The following IMPDH1 variants were observed in gnomAD, a reference collection of about 807,000 sequenced individuals.
The protein encoded by IMPDH1 is inosine-5'-monophosphate dehydrogenase 1.
In IMPDH1, 41 loss-of-function variants were observed where a neutral mutation model predicts 73.5. The ratio of observed to expected loss-of-function variants is 0.56; its 90% CI spans 0.43 to 0.72. The LOEUF (loss-of-function observed/expected upper bound fraction) is 0.72, where lower values mean the gene tolerates loss of function less well. IMPDH1 is among the 30% of genes least tolerant of loss of function. The pLI is 0.00. For synonymous variants in IMPDH1, 318 were observed against 334.3 expected, an observed-to-expected ratio of 0.95 and a Z score of 0.53; for missense variants, 645 against 824.8, an observed-to-expected ratio of 0.78 and a Z score of 2.67.
rs894514264 is a variant in IMPDH1, at chr7:128,394,318, T to C, written c.1738A>G (p.Met580Val). The C allele has an allele frequency of 6.2e-7, 1 of 1,614,074 alleles. No individual in the cohort carries two copies. Among genetic ancestry groups the C allele is most frequent in the African/African-American group, 1.3e-5 (1 of 75,010 alleles). ...ACACCACCCTCAATCTGGGCCGACA[T>C]GGTCCGCTTCTCAAACTTGAGCTCT... ...SGELKFEKRT[M>V]SAQIEGGVHG... The change falls in exon 16 of 17, where the codon ATG (methionine) becomes GTG (valine). Residue 580 changes from methionine (M) to valine (V), a missense_variant. Coordinates refer to ENST00000338791, the MANE Select transcript of IMPDH1 (RefSeq NM_000883.4). The surrounding 1 kb of genome is among the most constrained non-coding windows in gnomAD (Gnocchi z 5.5).
chr7:128,395,929 C>A (rs577659461), intron 12 of IMPDH1, among the ~76,000 whole-genome samples: 1 of 152,350 alleles, frequency 6.6e-6, no homozygotes, highest in Admixed American at 6.5e-5. Flanking sequence ...ATAGCAGAGG[C>A]TCTGAGGACC....
rs1339012902 is a variant in IMPDH1, at chr7:128,392,379, G to C, written c.*628C>G. ...AAAGTTAAAGCCTTCGACTGCAGCT[G>C]AGGAGAAGGGAGGAATGGTTCACCT... On this transcript the variant is annotated 3_prime_UTR_variant, in exon 17 of 17. Transcript: ENST00000338791. 1 of 154,238 alleles carries C rather than the reference G, an allele frequency of 6.5e-6. No individual in the cohort carries two copies. The highest frequency in any genetic ancestry group is 1.4e-5 in the Non-Finnish European group (1 of 69,108). The allele number at this position is 154,238 out of a possible 1,614,324, so 9.6% of individuals were successfully genotyped here.
chr7:128,395,240 C>T lies in IMPDH1; in HGVS notation c.1296G>A (p.Val432=). The T allele has an allele frequency of 1.9e-6, 3 of 1,613,762 alleles. No individual in the cohort carries two copies. Among genetic ancestry groups the T allele is most frequent in the Non-Finnish European group, 2.5e-6 (3 of 1,180,036 alleles). ...MACGRPQGTA[V]YKVAEYARRF... is the part of the protein sequence containing the mutation. ...GCCGGGCATACTCAGCCACCTTGTA[C>T]ACAGCAGTGCCCTGGGGCCGACCAC... The change falls in exon 13 of 17, where the codon GTG becomes GTA. Residue 432 remains valine, a synonymous_variant. Transcript: ENST00000338791.
At chr7:128,405,985 G>T (rs951447660) in intron 3 of IMPDH1, 120 bp from the exon 4 acceptor site, 9 of 830,474 alleles carry the variant, frequency 1.1e-5, no homozygotes, top group African/African-American at 1.9e-5. Context: ...CGGGCCGGGC[G>T]GGCCGGGGGC....
At chr7:128,400,056 TCAGG>T in intron 9 of IMPDH1, 35 bp downstream of exon 9, 1 of 1,456,784 alleles carries the variant, frequency 6.9e-7, no homozygotes, top group Non-Finnish European at 9.6e-7. Flanking sequence ...GGACAGGGAG[TCAGG>T]CTGGGGGTTG....
chr7:128,398,406 G>A lies in IMPDH1; in HGVS notation c.1074+8C>T, dbSNP rs369992949. On this transcript the variant is annotated splice_region_variant and intron_variant, in intron 10 of 16. Transcript: ENST00000338791. This position sits in a 1 kb window ranked among gnomAD's most constrained non-coding sequence, Gnocchi z 4.3. Reference sequence around the variant, plus strand: ...CCATCTCCCCCACCACTCAGGCGGGGGCCTTACCAAGACTATGACGTCGAC... The same window carrying A: ...CCATCTCCCCCACCACTCAGGCGGGAGCCTTACCAAGACTATGACGTCGAC... 52 of 1,611,794 alleles carry A rather than the reference G, an allele frequency of 3.2e-5. No individual in the cohort carries two copies. The African/African-American group carries it at 6.3e-4, about 19-fold the overall frequency.
At position 128,401,216 on chromosome 7, in the gene IMPDH1, C is replaced by T. The variant is rs1045146750; in HGVS notation, c.403-100G>A. 6 of 829,978 alleles carry T rather than the reference C, an allele frequency of 7.2e-6. No homozygotes were observed. The African/African-American group carries it at 8.3e-5, about 12-fold the overall frequency. The allele number at this position is 829,978 out of a possible 1,614,324, so 51.4% of individuals were successfully genotyped here. Reference sequence around the variant, plus strand: ...CCGGCACCAGGACAGGCCCTGGGGACATGGCAGTGAACAAGGTGGATGAGT... The same window carrying T: ...CCGGCACCAGGACAGGCCCTGGGGATATGGCAGTGAACAAGGTGGATGAGT... On this transcript the variant is annotated intron_variant, in intron 5 of 16. Transcript: ENST00000338791.
Position 128,396,314 on chromosome 7 carries a change from C to T in IMPDH1, c.1261+286G>A, listed in dbSNP as rs987534612. Reference sequence around the variant, plus strand: ...CCTTGTCACAAATCAAATCCAAACCCTGAGGTTCCAACAAGCCCCATGGAC... The same window carrying T: ...CCTTGTCACAAATCAAATCCAAACCTTGAGGTTCCAACAAGCCCCATGGAC... On this transcript the variant is annotated intron_variant, in intron 12 of 16. Transcript: ENST00000338791. The surrounding 1 kb of genome is among the most constrained non-coding windows in gnomAD (Gnocchi z 4.0). 2.6e-5 allele frequency among the ~76,000 whole-genome samples: 4 copies of T among 152,218 alleles called. No homozygotes were observed. The highest frequency in any genetic ancestry group is 4.4e-5 in the Non-Finnish European group (3 of 68,034).
At position 128,400,827 on chromosome 7, in the gene IMPDH1, C is replaced by T. The variant is rs777909017; in HGVS notation, c.569G>A (p.Arg190Gln). 5 of 1,614,070 alleles carry T rather than the reference C, an allele frequency of 3.1e-6. No homozygotes were observed. The highest frequency in any genetic ancestry group is 1.3e-5 in the African/African-American group (1 of 75,046). The part of the protein sequence containing the change: ...CTPEFQANEV[R>Q]KVKKFEQGFI... ...AGGCCTGGTACTTGCCTTGACCTTC[C>T]GCACCTCGTTGGCCTGGAACTCTGG... Residue 190 changes from arginine (R) to glutamine (Q), a missense_variant, in exon 7 of 17, where the codon CGG (arginine) becomes CAG (glutamine). Transcript: ENST00000338791.
intron 7 of IMPDH1, 102 bp downstream of exon 7, chr7:128,400,715 C>G: frequency 8.3e-7 from 1 of 1,211,316 alleles, no homozygotes; most frequent in Non-Finnish European, 1.2e-6. Context: ...AGGAAGGACA[C>G]GCAGGGAGTG....
intron 5 of IMPDH1, among the ~76,000 whole-genome samples, chr7:128,401,825 A>C (rs989027491): frequency 6.6e-6 from 1 of 152,170 alleles, no homozygotes; most frequent in Non-Finnish European, 1.5e-5. Context: ...GCAAGTATCC[A>C]TTTAAAAGCC....
chr7:128,404,660 A>G (rs890406643), intron 4 of IMPDH1, among the ~76,000 whole-genome samples: 1 of 152,174 alleles, frequency 6.6e-6, no homozygotes, highest in Non-Finnish European at 1.5e-5. Context: ...CCTAAGGCCT[A>G]GAGAAACTCC....
chr7:128,396,657 C>T lies in IMPDH1; in HGVS notation c.1204G>A (p.Gly402Ser). Residue 402 changes from glycine to serine, a missense_variant, in exon 12 of 17, where the codon GGT (glycine) becomes AGT (serine). Gly to Ser is a moderately conservative substitution (Grantham distance 56). Around this residue, in one of 2 missense-constraint regions of IMPDH1, gnomAD observed 459 missense variants for 638.2 expected, o/e 0.72. Coordinates refer to ENST00000338791, the MANE Select transcript of IMPDH1 (RefSeq NM_000883.4). The surrounding 1 kb of genome is among the most constrained non-coding windows in gnomAD (Gnocchi z 4.0). ...ATGCCCACGCGCAGCCCGTCCACAC[C>T]AGCATCAATCAGGTTCTTGGCCTGG... ...AAQAKNLIDA[G>S]VDGLRVGMGC... is the part of the protein sequence containing the mutation. The T allele has an allele frequency of 1.3e-6, 2 of 1,555,424 alleles. No homozygotes were observed. Among genetic ancestry groups the T allele is most frequent in the Non-Finnish European group, 1.7e-6 (2 of 1,148,786 alleles).
Position 128,409,926 on chromosome 7 carries a change from C to G in IMPDH1, c.-25G>C. 1.5e-6 allele frequency: 2 copies of G among 1,349,670 alleles called. No individual in the cohort carries two copies. Among genetic ancestry groups the G allele is most frequent in the Non-Finnish European group, 1.9e-6 (2 of 1,056,016 alleles). 83.6% of individuals were successfully genotyped at this position (1,349,670 alleles called of 1,614,324 possible). Reference sequence around the variant, plus strand: ...TGCGGAGGCCGCAGCTCAGGGCGGGCGGGAGCCTGGAGGCTCCCGGGGCCC... The same window carrying G: ...TGCGGAGGCCGCAGCTCAGGGCGGGGGGGAGCCTGGAGGCTCCCGGGGCCC... On this transcript the variant is annotated 5_prime_UTR_variant, in exon 1 of 17. Transcript: ENST00000338791.
In IMPDH1 at chr7:128,394,515, G is replaced by A. The variant is rs1797769395; in HGVS notation, c.1635C>T (p.Leu545=). The change falls in exon 15 of 17, where the codon CTC becomes CTT. Residue 545 remains leucine (L), a synonymous_variant. Coordinates refer to ENST00000338791, the MANE Select transcript of IMPDH1 (RefSeq NM_000883.4). This position sits in a 1 kb window ranked among gnomAD's most constrained non-coding sequence, Gnocchi z 5.5. ...KGSIQKFVPY[L]IAGIQHGCQD... ...GGCAGCCGTGTTGGATGCCTGCTAT[G>A]AGGTAGGGCACGAACTTCTGAATGG... 1 of 1,614,028 alleles carries A rather than the reference G, an allele frequency of 6.2e-7. No homozygotes were observed. Among genetic ancestry groups the A allele is most frequent in the Non-Finnish European group, 8.5e-7 (1 of 1,179,988 alleles).
chr7:128,409,847 G>C lies in IMPDH1; in HGVS notation c.55C>G (p.Pro19Ala). 1.3e-6 allele frequency: 2 copies of C among 1,492,596 alleles called. No homozygotes were observed. The highest frequency in any genetic ancestry group is 8.9e-7 in the Non-Finnish European group (1 of 1,128,054). The allele number at this position is 1,492,596 out of a possible 1,614,324, so 92.5% of individuals were successfully genotyped here. A position where few individuals can be genotyped will look rare whatever the true frequency, so the allele number is the denominator to read the frequency against. Residue 19 changes from proline (P) to alanine (A), a missense_variant, in exon 1 of 17, where the codon CCG becomes GCG. Pro to Ala is a conservative substitution (Grantham distance 27, BLOSUM62 -1). Coordinates refer to ENST00000338791, the MANE Select transcript of IMPDH1 (RefSeq NM_000883.4). Reference protein sequence around the residue: ...PLQGGGAAAVPEPGARQHPGH... With the variant: ...PLQGGGAAAVAEPGARQHPGH... ...GGGTGTTGCCGGGCTCCGGGCTCCG[G>C]AACAGCGGCGGCTCCGCCTCCCTGC...
At chr7:128,400,702 G>T (rs545986760) in intron 7 of IMPDH1, 115 bp downstream of exon 7, 3 of 1,186,276 alleles carry the variant, frequency 2.5e-6, no homozygotes, top group Non-Finnish European at 3.8e-6. Context: ...AGGCTCCACT[G>T]AGAGGAAGGA....
At chr7:128,399,977 G>A (rs765064490) in intron 9 of IMPDH1, 118 bp downstream of exon 9, 114 of 860,732 alleles carry the variant, frequency 1.3e-4, no homozygotes, top group Middle Eastern at 6.5e-4. Flanking sequence ...GAGGTTATTC[G>A]AACCTTCCCC....
At chr7:128,407,520 G>A (rs1391292548) in intron 3 of IMPDH1, among the ~76,000 whole-genome samples, 1 of 152,192 alleles carries the variant, frequency 6.6e-6, no homozygotes, top group Non-Finnish European at 1.5e-5. Context: ...CACTGGCCAC[G>A]TGGAGCAGAG....
Sources: gnomAD v4.1 joint callset for allele counts (sites outside exome capture counted in the v4.1 genomes callset) on GRCh38, gnomAD v4.1.1 for gene constraint, gnomAD v4.1.1 regional missense constraint, Gnocchi (gnomAD v3.1) non-coding constraint, MANE v1.5 for transcripts, NCBI Gene and HGNC (gene_info 2026-07-23, HGNC 2026-07-21) for gene names.